Variants in BEAN1 observed in about 807,000 individuals in gnomAD.
BEAN1 encodes the protein protein BEAN1.
A neutral mutation model predicts 17.7 loss-of-function variants in BEAN1; 17 were observed. The observed-to-expected ratio is 0.96, with a 90% CI of 0.66 to 1.44. BEAN1 has a LOEUF of 1.44. Ranked by LOEUF, BEAN1 falls within the 40% of genes most tolerant of loss-of-function variation. The probability of loss-of-function intolerance (pLI) is 0.00; values close to 1 mark genes in which losing one functional copy is unlikely to be tolerated. For missense variants in BEAN1, 359 were observed against 374.1 expected (o/e 0.96, Z 0.33); for synonymous variants, 142 against 151.8 (o/e 0.94, Z 0.47).
intron 3 of BEAN1, among the ~76,000 whole-genome samples, chr16:66,474,595 AGGGAGGGAGAG>A (rs1963635575): frequency 6.4e-5 from 1 of 15,558 alleles, no homozygotes; most frequent in East Asian, 2.5e-3. Context: ...GGAGGGAGGG[AGGGAGGGAGAG>A]AGGGAGGGAG....
chr16:66,478,254 G>A (rs1193830020), intron 4 of BEAN1: 1 of 152,380 alleles, frequency 6.6e-6, no homozygotes, highest in Non-Finnish European at 1.5e-5. Flanking sequence ...ATGATCATGA[G>A]CAAGTTACTT....
In BEAN1 at chr16:66,473,345, G is replaced by T. The variant is rs1221011515; in HGVS notation, c.289+3480G>T. On this transcript the variant is annotated intron_variant, in intron 3 of 4. Coordinates refer to ENST00000536005, the MANE Select transcript of BEAN1 (RefSeq NM_001178020.3). The surrounding 1 kb of genome is among the most constrained non-coding windows in gnomAD (Gnocchi z 4.5). The stretch of plus-strand genomic sequence containing the variant: ...CCTGTGGTGGTGGTGACCCCTGTGG[G>T]GTTCCGGCCTCCCTGCCCCACTTCT... Among the ~76,000 whole-genome samples the T allele has an allele frequency of 6.6e-6, 1 of 152,172 alleles. No homozygotes were observed.
chr16:66,458,697 A>G (rs1962966922), intron 2 of BEAN1, among the ~76,000 whole-genome samples: 1 of 152,182 alleles, frequency 6.6e-6, no homozygotes, highest in African/African-American at 2.4e-5. Context: ...GCAATCTTGA[A>G]CACATAACTT....
chr16:66,475,878 A>G (rs890724436), intron 3 of BEAN1: 2 of 152,354 alleles, frequency 1.3e-5, no homozygotes, highest in Admixed American at 1.3e-4. Flanking sequence ...TGGGAGGCCG[A>G]GGCGGGCAGA....
chr16:66,442,258 G>A (rs1962286189), intron 2 of BEAN1, among the ~76,000 whole-genome samples: 4 of 152,324 alleles, frequency 2.6e-5, no homozygotes, highest in African/African-American at 9.6e-5. Flanking sequence ...TGGGAAAGGT[G>A]GCCCAGGACT....
At chr16:66,483,788 C>A, downstream of BEAN1, 1 of 152,520 alleles carries the variant, frequency 6.6e-6, no homozygotes, top group African/African-American at 2.4e-5. Flanking sequence ...GAGGGTGCAG[C>A]GGGGGGAAAG....
At chr16:66,443,645 A>ATAGCTCATCTTAATTTTATTGC (rs1962339803) in intron 2 of BEAN1, among the ~76,000 whole-genome samples, 4 of 151,990 alleles carry the variant, frequency 2.6e-5, no homozygotes, top group Admixed American at 1.3e-4. Flanking sequence ...TCGGCATTTG[A>ATAGCTCATCTTAATTTTATTGC]TAGCTCATCT....
intron 4 of BEAN1, among the ~76,000 whole-genome samples, chr16:66,490,095 C>T (rs999642354): frequency 1.3e-5 from 2 of 151,442 alleles, no homozygotes; most frequent in African/African-American, 2.4e-5. Flanking sequence ...AGACCCAGGT[C>T]CTCAGCCAGA....
chr16:66,474,598 G>GAGGA (rs1963636918), intron 3 of BEAN1, among the ~76,000 whole-genome samples: 1 of 18,460 alleles, frequency 5.4e-5, no homozygotes, highest in Admixed American at 3.6e-4. Flanking sequence ...GGGAGGGAGG[G>GAGGA]AGGGAGAGAG....
chr16:66,458,157 G>A (rs911672447), intron 2 of BEAN1, among the ~76,000 whole-genome samples: 2 of 152,206 alleles, frequency 1.3e-5, no homozygotes, highest in Non-Finnish European at 2.9e-5. Context: ...GCAGCCTGAA[G>A]GTGCTGAGTC....
intron 1 of BEAN1, among the ~76,000 whole-genome samples, chr16:66,431,644 G>A (rs556159276): frequency 1.3e-5 from 2 of 151,512 alleles, no homozygotes; most frequent in Non-Finnish European, 2.9e-5. Flanking sequence ...ACGGTATATG[G>A]TATATGCACA....
Position 66,469,590 on chromosome 16 carries a change from C to G in BEAN1, c.26-12C>G, listed in dbSNP as rs751546581. 73 of 1,533,690 alleles carry G rather than the reference C, an allele frequency of 4.8e-5. No homozygotes were observed. The highest frequency in any genetic ancestry group is 3.3e-4 in the Admixed American group (17 of 50,934). On this transcript the variant is annotated splice_polypyrimidine_tract_variant and intron_variant, in intron 2 of 4. Coordinates refer to ENST00000536005, the MANE Select transcript of BEAN1 (RefSeq NM_001178020.3). ...TGGGCTCCAGCTCAGTGTCCTCTCT[C>G]TCTGTCCACAGTAGCACGATACAAC... is the stretch of plus-strand genomic sequence containing the variant.
chr16:66,447,161 C>A (rs1962487817), intron 2 of BEAN1, among the ~76,000 whole-genome samples: 1 of 152,024 alleles, frequency 6.6e-6, no homozygotes, highest in Non-Finnish European at 1.5e-5. Context: ...ACCCAGCTAC[C>A]CGGGAGGCTG....
downstream of BEAN1, among the ~76,000 whole-genome samples, chr16:66,486,501 T>C (rs2142482672): frequency 6.6e-6 from 1 of 152,260 alleles, no homozygotes; most frequent in African/African-American, 2.4e-5. Context: ...GTGATCTGCC[T>C]GCCTTGGCCA....
intron 2 of BEAN1, among the ~76,000 whole-genome samples, chr16:66,446,345 G>T (rs564934756): frequency 1.2e-4 from 18 of 152,218 alleles, no homozygotes; most frequent in South Asian, 4.2e-4. Context: ...TAAGGAAGGG[G>T]TCAAAAAGGA....
chr16:66,453,701 C>G (rs1490608810), intron 2 of BEAN1, among the ~76,000 whole-genome samples: 1 of 151,424 alleles, frequency 6.6e-6, no homozygotes. Context: ...TCTTCTTTGA[C>G]CTATAGATTA....
intron 4 of BEAN1, chr16:66,492,842 T>C (rs755960809): frequency 1.4e-4 from 87 of 609,990 alleles, no homozygotes; most frequent in Non-Finnish European, 2.0e-4. Flanking sequence ...CTCATCCACG[T>C]GCTTCTCAGG....
chr16:66,447,715 T>G (rs989555582), intron 2 of BEAN1, among the ~76,000 whole-genome samples: 1 of 152,150 alleles, frequency 6.6e-6, no homozygotes, highest in African/African-American at 2.4e-5. Flanking sequence ...CTCAGGCAAA[T>G]AGATTCTCCC....
chr16:66,430,776 G>A (rs8058656), intron 1 of BEAN1, among the ~76,000 whole-genome samples: 35,776 of 152,038 alleles, frequency 0.24, 5,361 homozygotes, highest in African/African-American at 0.42. Context: ...GTATGCCCAC[G>A]TCAATATAAT....
Sources: gnomAD v4.1 joint callset for allele counts (sites outside exome capture counted in the v4.1 genomes callset) on GRCh38, gnomAD v4.1.1 for gene constraint, Gnocchi (gnomAD v3.1) non-coding constraint, MANE v1.5 for transcripts, NCBI Gene and HGNC (gene_info 2026-07-23, HGNC 2026-07-21) for gene names.